COMMD10: variants seen among roughly 807,000 people sequenced by gnomAD.
COMMD10 encodes the protein COMM domain-containing protein 10.
A neutral mutation model predicts 28.9 loss-of-function variants in COMMD10; 33 were observed. That is an observed-to-expected ratio of 1.14 (90% CI 0.87 to 1.53). The LOEUF is 1.53. Ranked by LOEUF, COMMD10 falls within the 40% of genes most tolerant of loss-of-function variation. COMMD10 has a pLI of 0.00. For synonymous variants in COMMD10, 110 were observed against 81.7 expected (o/e 1.35, Z -1.87); for missense variants, 310 against 233.4 (o/e 1.33, Z -2.14).
At chr5:116,272,385 G>A (rs997980876) in intron 5 of COMMD10, among the ~76,000 whole-genome samples, 6 of 151,864 alleles carry the variant, frequency 4.0e-5, no homozygotes, top group Non-Finnish European at 7.4e-5. Flanking sequence ...GAGCTTTGTC[G>A]TAGTGGAGGA....
At chr5:116,279,402 A>G (rs1751008884) in intron 5 of COMMD10, among the ~76,000 whole-genome samples, 1 of 151,882 alleles carries the variant, frequency 6.6e-6, no homozygotes, top group Non-Finnish European at 1.5e-5. Context: ...TATTCCATGT[A>G]TTTGTTGCAG....
At chr5:116,093,157 ATACTTT>A (rs1229752808) in intron 4 of COMMD10, among the ~76,000 whole-genome samples, 5 of 152,202 alleles carry the variant, frequency 3.3e-5, no homozygotes, top group African/African-American at 2.4e-5. Context: ...CAATTTCGAT[ATACTTT>A]TACTTTTGAT....
chr5:116,111,269 A>G (rs988276090), intron 4 of COMMD10, among the ~76,000 whole-genome samples: 5 of 151,460 alleles, frequency 3.3e-5, no homozygotes, highest in Non-Finnish European at 5.9e-5. Flanking sequence ...TGTTTTATTT[A>G]GTTTTGCTCT....
chr5:116,111,576 C>T (rs1408497910), intron 4 of COMMD10, among the ~76,000 whole-genome samples: 1 of 150,702 alleles, frequency 6.6e-6, no homozygotes, highest in African/African-American at 2.4e-5. Context: ...TGTATAGTTT[C>T]CAGAGTTTTT....
intron 5 of COMMD10, among the ~76,000 whole-genome samples, chr5:116,271,555 C>T (rs1201275435): frequency 2.6e-5 from 4 of 151,544 alleles, no homozygotes; most frequent in Admixed American, 6.6e-5. Context: ...GAGAGCATGA[C>T]GACTAATGTG....
At chr5:116,216,013 C>G (rs910795915) in intron 5 of COMMD10, among the ~76,000 whole-genome samples, 3 of 151,900 alleles carry the variant, frequency 2.0e-5, no homozygotes, top group African/African-American at 7.3e-5. Flanking sequence ...AAAGGAAAGG[C>G]CTTATCATTT....
intron 5 of COMMD10, among the ~76,000 whole-genome samples, chr5:116,250,933 T>A (rs1180625067): frequency 5.4e-4 from 82 of 151,996 alleles, no homozygotes; most frequent in Non-Finnish European, 5.9e-5. Flanking sequence ...CTGTTGTGCC[T>A]CTTGGCATGC....
intron 5 of COMMD10, among the ~76,000 whole-genome samples, chr5:116,285,903 C>G (rs1291465657): frequency 1.3e-5 from 2 of 151,926 alleles, no homozygotes; most frequent in South Asian, 2.1e-4. Flanking sequence ...AGTATCTCCT[C>G]TTGTTCAAGT....
Position 116,170,423 on chromosome 5 carries a change from T to C in COMMD10, c.510+36245T>C, listed in dbSNP as rs149477018. Among the ~76,000 whole-genome samples, 658 of 152,290 alleles carry C rather than the reference T, an allele frequency of 4.3e-3. 11 individuals are homozygous for C. Among genetic ancestry groups the C allele is most frequent in the Non-Finnish European group, 2.0e-3 (136 of 68,028 alleles). On this transcript the variant is annotated intron_variant, in intron 5 of 6. Transcript: ENST00000274458. ...TGAAAATACTGCCCAAAGTAATTTG[T>C]AGATTCAGTGCCATCCCCATCAAGC...
intron 2 of COMMD10, 68 bp downstream of exon 2, chr5:116,087,655 G>C: frequency 8.7e-7 from 1 of 1,152,516 alleles, no homozygotes; most frequent in Non-Finnish European, 1.3e-6. Flanking sequence ...TGATTATTTG[G>C]AGAACTTTTT....
chr5:116,214,808 C>T (rs939469532), intron 5 of COMMD10, among the ~76,000 whole-genome samples: 2 of 152,012 alleles, frequency 1.3e-5, no homozygotes, highest in Non-Finnish European at 2.9e-5. Flanking sequence ...TGCAGTGATT[C>T]TTCTTTTTAT....
intron 4 of COMMD10, among the ~76,000 whole-genome samples, chr5:116,132,509 G>T (rs560180395): frequency 2.6e-5 from 4 of 152,012 alleles, no homozygotes; most frequent in African/African-American, 9.7e-5. Flanking sequence ...ATCACAGTGG[G>T]GTGTGAGTTT....
At chr5:116,129,985 C>G (rs1751813474) in intron 4 of COMMD10, among the ~76,000 whole-genome samples, 1 of 151,078 alleles carries the variant, frequency 6.6e-6, no homozygotes, top group South Asian at 2.1e-4. Flanking sequence ...TGCACAAACA[C>G]ATATGAGGTC....
At position 116,087,532 on chromosome 5, in the gene COMMD10, A is replaced by T; in HGVS notation, c.77A>T (p.Asp26Val). The change falls in exon 2 of 7, where the codon GAT becomes GTT. Residue 26 changes from aspartate (D) to valine (V), a missense_variant. Asp to Val is a radical substitution (Grantham distance 152). Transcript: ENST00000274458. ...KKAVSLINAI[D>V]TGRFPRLLTR... ...GCAGTGTCACTGATAAATGCAATAG[A>T]TACAGGAAGATTTCCACGGTTGCTC... 1 of 1,612,564 alleles carries T rather than the reference A, an allele frequency of 6.2e-7. No homozygotes were observed. Among genetic ancestry groups the T allele is most frequent in the Non-Finnish European group, 8.5e-7 (1 of 1,178,516 alleles).
chr5:116,221,214 A>G (rs907655013), intron 5 of COMMD10, among the ~76,000 whole-genome samples: 2 of 151,712 alleles, frequency 1.3e-5, no homozygotes, highest in African/African-American at 4.8e-5. Context: ...TGCACTCGGT[A>G]TCTTCATGAT....
chr5:116,255,439 G>A (rs1750255223), intron 5 of COMMD10, among the ~76,000 whole-genome samples: 2 of 151,638 alleles, frequency 1.3e-5, no homozygotes, highest in Non-Finnish European at 2.9e-5. Flanking sequence ...GCTGGTACTG[G>A]TTGTTCCTTT....
Position 116,204,285 on chromosome 5 carries a change from A to G in COMMD10, c.510+70107A>G, listed in dbSNP as rs916728366. ...AGGAGACTTAGACTCCCACACAATA[A>G]TAATGGAAGACTTTAAATTATCTTT... On this transcript the variant is annotated intron_variant, in intron 5 of 6. Coordinates refer to ENST00000274458, the MANE Select transcript of COMMD10 (RefSeq NM_016144.4). Among the ~76,000 whole-genome samples, 5 of 152,178 alleles carry G rather than the reference A, an allele frequency of 3.3e-5. 1 individual carries two copies. The highest frequency in any genetic ancestry group is 1.5e-5 in the Non-Finnish European group (1 of 68,016).
intron 5 of COMMD10, among the ~76,000 whole-genome samples, chr5:116,237,398 A>T (rs72806910): frequency 0.053 from 8,038 of 152,292 alleles, 290 homozygotes; most frequent in East Asian, 0.14. Flanking sequence ...TTATTAAAAC[A>T]GATGTAACAT....
chr5:116,122,613 G>T (rs1399114278), intron 4 of COMMD10, among the ~76,000 whole-genome samples: 1 of 152,180 alleles, frequency 6.6e-6, no homozygotes, highest in Non-Finnish European at 1.5e-5. Flanking sequence ...CTATCCATGA[G>T]CATGGAATGC....
Sources: allele counts gnomAD v4.1 joint callset (sites outside exome capture counted in the v4.1 genomes callset), GRCh38; gene constraint gnomAD v4.1.1; transcripts MANE v1.5; gene names NCBI Gene and HGNC (gene_info 2026-07-23, HGNC 2026-07-21).